TTLL11: variants seen among roughly 807,000 people sequenced by gnomAD.
The protein encoded by TTLL11 is tubulin polyglutamylase TTLL11.
A neutral mutation model predicts 51.7 loss-of-function variants in TTLL11; 42 were observed. That is an observed-to-expected ratio of 0.81 (90% CI 0.64 to 1.05). The LOEUF (loss-of-function observed/expected upper bound fraction) is 1.05. Among genes scored for constraint, TTLL11 ranks in the 50% least tolerant of loss-of-function variants. The pLI, the probability that TTLL11 is intolerant of heterozygous loss-of-function variation, is 0.00. For synonymous variants in TTLL11, 381 were observed against 383.5 expected (o/e 0.99, Z 0.08); for missense variants, 799 against 940.4 (o/e 0.85, Z 1.97).
chr9:122,064,290 C>G (rs1461023580), intron 1 of TTLL11, among the ~76,000 whole-genome samples: 1 of 152,058 alleles, frequency 6.6e-6, no homozygotes, highest in Non-Finnish European at 1.5e-5. Context: ...GAAAAACTTT[C>G]TTTTGACTTA....
intron 6 of TTLL11, among the ~76,000 whole-genome samples, chr9:121,923,364 A>G (rs1465146162): frequency 6.6e-6 from 1 of 152,122 alleles, no homozygotes; most frequent in African/African-American, 2.4e-5. Flanking sequence ...TTAAAGCTAC[A>G]TCTGCAGGTG....
intron 6 of TTLL11, among the ~76,000 whole-genome samples, chr9:121,903,656 GTATT>G (rs2131481059): frequency 6.6e-6 from 1 of 152,224 alleles, no homozygotes; most frequent in Non-Finnish European, 1.5e-5. Context: ...GAGATTACAT[GTATT>G]TATTTTTATG....
At chr9:121,925,206 A>G (rs567443595) in intron 6 of TTLL11, among the ~76,000 whole-genome samples, 2 of 152,358 alleles carry the variant, frequency 1.3e-5, no homozygotes, top group Middle Eastern at 6.8e-3. Flanking sequence ...AGAACCTGAC[A>G]AACAGGATGT....
intron 2 of TTLL11, among the ~76,000 whole-genome samples, chr9:122,032,878 T>C (rs1420141395): frequency 6.7e-6 from 1 of 149,340 alleles, no homozygotes; most frequent in Non-Finnish European, 1.5e-5. Context: ...CATTGCAACC[T>C]CCACCTCCCA....
In TTLL11 at chr9:122,030,832, T is replaced by C. The variant is rs528500816; in HGVS notation, c.693+891A>G. Among the ~76,000 whole-genome samples, 4 of 146,866 alleles carry C rather than the reference T, an allele frequency of 2.7e-5. No homozygotes were observed. The East Asian group carries it at 8.2e-4, about 30-fold the overall frequency. On this transcript the variant is annotated intron_variant, in intron 3 of 8. Coordinates refer to ENST00000321582, the MANE Select transcript of TTLL11 (RefSeq NM_001139442.2). ...GGCACCCGCCTGTAGTCCCAGCTAC[T>C]CAGAAGGCTGAGGCAGGAGAATGGC...
At position 121,816,625 on chromosome 9, in the gene TTLL11, ATGTGTGGTGTGTGCG is replaced by A. The variant is rs1836417713; in HGVS notation, c.*5947_*5961del. On this transcript the variant is annotated 3_prime_UTR_variant, in exon 9 of 9. Coordinates refer to ENST00000321582, the MANE Select transcript of TTLL11 (RefSeq NM_001139442.2). Reference sequence around the variant, plus strand: ...ATGTGTGCATTGTGTACGTGTGTGCATGTGTGGTGTGTGCGCGCACATGCGTGTGTGTGCATGTGT... The same window carrying A: ...ATGTGTGCATTGTGTACGTGTGTGCACGCACATGCGTGTGTGTGCATGTGT... The A allele has an allele frequency of 6.7e-6, 1 of 148,480 alleles. No individual in the cohort carries two copies. Among genetic ancestry groups the A allele is most frequent in the Non-Finnish European group, 1.5e-5 (1 of 67,234 alleles). 9.2% of individuals were successfully genotyped at this position (148,480 alleles called of 1,614,324 possible).
intron 6 of TTLL11, among the ~76,000 whole-genome samples, chr9:121,953,135 C>T (rs1305870640): frequency 1.3e-5 from 2 of 152,040 alleles, no homozygotes; most frequent in African/African-American, 4.8e-5. Flanking sequence ...CAGATTAGTA[C>T]ATATAGTTTA....
At chr9:121,922,760 A>AGTGTGTGTGT (rs71370699) in intron 6 of TTLL11, among the ~76,000 whole-genome samples, 9,602 of 148,128 alleles carry the variant, frequency 0.065, 605 homozygotes, top group East Asian at 0.37. Context: ...ATATCTATTC[A>AGTGTGTGTGT]GTGTGTGTGT....
chr9:121,913,761 A>T (rs1840225849), intron 6 of TTLL11, among the ~76,000 whole-genome samples: 1 of 152,164 alleles, frequency 6.6e-6, no homozygotes, highest in South Asian at 2.1e-4. Context: ...GCTTGTATTG[A>T]AATCAAATCA....
chr9:121,889,179 T>C (rs1258053194), intron 6 of TTLL11, among the ~76,000 whole-genome samples: 2 of 151,870 alleles, frequency 1.3e-5, no homozygotes, highest in Non-Finnish European at 2.9e-5. Flanking sequence ...CGGGGAAAAA[T>C]AGGCCCAGAG....
intron 3 of TTLL11, among the ~76,000 whole-genome samples, chr9:122,022,178 A>C (rs999868899): frequency 1.3e-5 from 2 of 152,140 alleles, no homozygotes; most frequent in Admixed American, 6.5e-5. Flanking sequence ...AATTAGAGTG[A>C]AGTAGAAGTG....
chr9:121,823,266 C>A (rs1228349117), intron 8 of TTLL11, among the ~76,000 whole-genome samples: 1 of 152,180 alleles, frequency 6.6e-6, no homozygotes, highest in Non-Finnish European at 1.5e-5. Flanking sequence ...CAGCTCCTGG[C>A]TGGGCGCAGT....
chr9:121,931,990 T>C (rs1841002213), intron 6 of TTLL11, among the ~76,000 whole-genome samples: 1 of 152,206 alleles, frequency 6.6e-6, no homozygotes, highest in Non-Finnish European at 1.5e-5. Context: ...CAGGAAGTCC[T>C]CCCCAGGTTC....
chr9:121,955,172 C>T (rs1309365830), intron 6 of TTLL11, among the ~76,000 whole-genome samples: 3 of 152,200 alleles, frequency 2.0e-5, no homozygotes, highest in Non-Finnish European at 4.4e-5. Context: ...CTATTTAATA[C>T]GAGCACCGTT....
intron 6 of TTLL11, among the ~76,000 whole-genome samples, chr9:121,967,755 A>G (rs915717407): frequency 6.6e-6 from 1 of 152,244 alleles, no homozygotes; most frequent in Non-Finnish European, 1.5e-5. Context: ...ATGTCCATCA[A>G]CTGACAAATG....
chr9:121,857,305 C>T (rs1306761301), intron 8 of TTLL11, among the ~76,000 whole-genome samples: 1 of 152,236 alleles, frequency 6.6e-6, no homozygotes, highest in African/African-American at 2.4e-5. Flanking sequence ...GCCCTGCCCC[C>T]TCTGTATCAC....
At position 122,076,841 on chromosome 9, in the gene TTLL11, C is replaced by G. The variant is rs138333650; in HGVS notation, c.462+15846G>C. On this transcript the variant is annotated intron_variant, in intron 1 of 8. Transcript: ENST00000321582. ...CTCAGAGACAAGAATCCCAACAAATCCCAAGAAGAATAAATCAGAAGAAAT... is the reference window on the plus strand; with the variant it reads ...CTCAGAGACAAGAATCCCAACAAATGCCAAGAAGAATAAATCAGAAGAAAT... Among the ~76,000 whole-genome samples, 5 of 152,164 alleles carry G rather than the reference C, an allele frequency of 3.3e-5. No homozygotes were observed. The East Asian group carries it at 9.7e-4, about 29-fold the overall frequency.
chr9:121,914,634 G>C (rs1351376323), intron 6 of TTLL11, among the ~76,000 whole-genome samples: 1 of 152,138 alleles, frequency 6.6e-6, no homozygotes, highest in African/African-American at 2.4e-5. Flanking sequence ...AGAGCCTCAA[G>C]AGCACCCAGC....
intron 6 of TTLL11, among the ~76,000 whole-genome samples, chr9:121,871,356 G>T (rs1386855710): frequency 6.6e-6 from 1 of 152,054 alleles, no homozygotes; most frequent in Non-Finnish European, 1.5e-5. Flanking sequence ...TCCACCTCTA[G>T]CACAGAATGT....
Sources: allele counts gnomAD v4.1 joint callset (sites outside exome capture counted in the v4.1 genomes callset), GRCh38; gene constraint gnomAD v4.1.1; transcripts MANE v1.5; gene names NCBI Gene and HGNC (gene_info 2026-07-23, HGNC 2026-07-21).